CUL5: variants seen among roughly 807,000 people sequenced by gnomAD.
CUL5 encodes the protein cullin-5.
CUL5 carries 26 observed loss-of-function variants against 108.8 expected under a neutral mutation model. That is an observed-to-expected ratio of 0.24 (90% CI 0.18 to 0.33). The LOEUF (loss-of-function observed/expected upper bound fraction) is 0.33. CUL5 is among the 10% of genes least tolerant of loss of function. The pLI is 1.00. For missense variants in CUL5, 524 were observed against 909.2 expected (o/e 0.58, Z 5.45); for synonymous variants, 334 against 298.0 (o/e 1.12, Z -1.25).
chr11:108,048,170 A>G (rs1863112801), intron 3 of CUL5, among the ~76,000 whole-genome samples: 3 of 151,422 alleles, frequency 2.0e-5, no homozygotes, highest in African/African-American at 7.3e-5. Flanking sequence ...TCAGTTGAAC[A>G]TACCTTGTTA....
intron 10 of CUL5, among the ~76,000 whole-genome samples, chr11:108,077,922 C>T (rs1287555294): frequency 6.6e-6 from 1 of 152,094 alleles, no homozygotes; most frequent in Non-Finnish European, 1.5e-5. Context: ...GCACTCCAGC[C>T]TGGTCGACAG....
chr11:108,099,298 C>G (rs1466663153), intron 18 of CUL5, among the ~76,000 whole-genome samples: 1 of 152,058 alleles, frequency 6.6e-6, no homozygotes, highest in African/African-American at 2.4e-5. Flanking sequence ...AGCTACCATG[C>G]CCAGCCCAGT....
At position 108,073,505 on chromosome 11, in the gene CUL5, T is replaced by A; in HGVS notation, c.1113+8T>A. 7.9e-7 allele frequency: 1 copy of A among 1,266,970 alleles called. No individual in the cohort carries two copies. Among genetic ancestry groups the A allele is most frequent in the Non-Finnish European group, 1.1e-6 (1 of 905,252 alleles). The allele number at this position is 1,266,970 out of a possible 1,614,324, so 78.5% of individuals were successfully genotyped here. A position where few individuals can be genotyped will look rare whatever the true frequency, so the allele number is the denominator to read the frequency against. On this transcript the variant is annotated splice_region_variant and intron_variant, in intron 10 of 18. Transcript: ENST00000393094. ...CTTACTGCAAGAGATAAGGTATATA[T>A]TCCTATATATATAAAAAACACTTTT...
At chr11:108,059,428 G>T (rs927439870) in intron 7 of CUL5, among the ~76,000 whole-genome samples, 1 of 152,166 alleles carries the variant, frequency 6.6e-6, no homozygotes, top group African/African-American at 2.4e-5. Flanking sequence ...GATCACTTCA[G>T]AATGACCAGG....
chr11:108,040,517 C>T (rs1318480941), intron 2 of CUL5, among the ~76,000 whole-genome samples: 1 of 149,384 alleles, frequency 6.7e-6, no homozygotes, highest in African/African-American at 2.5e-5. Context: ...CCAGCTGAGG[C>T]ACGAGAATTG....
intron 1 of CUL5, among the ~76,000 whole-genome samples, chr11:108,017,351 C>G (rs1480602291): frequency 7.1e-6 from 1 of 140,302 alleles, no homozygotes; most frequent in Non-Finnish European, 1.5e-5. Context: ...GATCGCACCA[C>G]TGCACTCCAG....
At chr11:108,051,413 A>C (rs779104865) in intron 4 of CUL5, among the ~76,000 whole-genome samples, 1 of 152,204 alleles carries the variant, frequency 6.6e-6, no homozygotes, top group Non-Finnish European at 1.5e-5. Flanking sequence ...TAGCTTTGCT[A>C]TCTGTACCCC....
intron 11 of CUL5, among the ~76,000 whole-genome samples, chr11:108,082,410 A>G (rs1204316867): frequency 2.0e-5 from 3 of 151,628 alleles, no homozygotes; most frequent in Non-Finnish European, 4.4e-5. Flanking sequence ...CCACCTGAGT[A>G]GCTAGGACCA....
Position 108,089,626 on chromosome 11 carries a change from A to G in CUL5, c.1443+3A>G, listed in dbSNP as rs746634507. 1 of 1,491,658 alleles carries G rather than the reference A, an allele frequency of 6.7e-7. No homozygotes were observed. Among genetic ancestry groups the G allele is most frequent in the South Asian group, 1.4e-5 (1 of 72,332 alleles). 92.4% of individuals were successfully genotyped at this position (1,491,658 alleles called of 1,614,324 possible). ...AAAACATGGTAGAGTGGCTAAGAGT[A>G]AGTAAATTTTTTTAAATATTTGGTT... On this transcript the variant is annotated splice_donor_region_variant and intron_variant, in intron 13 of 18. Coordinates refer to ENST00000393094, the MANE Select transcript of CUL5 (RefSeq NM_003478.6).
chr11:108,058,165 C>T (rs1282399786), intron 7 of CUL5, among the ~76,000 whole-genome samples: 9 of 136,934 alleles, frequency 6.6e-5, no homozygotes, highest in East Asian at 4.7e-4. Flanking sequence ...GCCGAGATTG[C>T]GCCACCACAC....
intron 10 of CUL5, among the ~76,000 whole-genome samples, chr11:108,075,152 T>C (rs1863913328): frequency 2.0e-5 from 3 of 151,944 alleles, no homozygotes; most frequent in Admixed American, 1.3e-4. Flanking sequence ...TGGAGGCTTG[T>C]CCCAGAGTGA....
At chr11:108,020,710 T>C (rs1304002638) in intron 1 of CUL5, among the ~76,000 whole-genome samples, 1 of 152,158 alleles carries the variant, frequency 6.6e-6, no homozygotes, top group African/African-American at 2.4e-5. Context: ...ATAAGTGTTA[T>C]TTACAAAAAA....
At chr11:108,044,494 T>G (rs1178752747) in intron 2 of CUL5, among the ~76,000 whole-genome samples, 1 of 143,744 alleles carries the variant, frequency 7.0e-6, no homozygotes, top group Non-Finnish European at 1.5e-5. Flanking sequence ...GGCAACAGAG[T>G]GAGACAGTGT....
intron 2 of CUL5, among the ~76,000 whole-genome samples, chr11:108,040,439 C>G (rs186238274): frequency 1.3e-5 from 2 of 152,192 alleles, no homozygotes; most frequent in Admixed American, 1.3e-4. Context: ...TGGTAAAACC[C>G]TGTCTTTACT....
chr11:108,048,080 A>G (rs1263840979), intron 3 of CUL5, among the ~76,000 whole-genome samples: 2 of 152,154 alleles, frequency 1.3e-5, no homozygotes, highest in Non-Finnish European at 2.9e-5. Flanking sequence ...TGGGTCTTAA[A>G]AAGACCCATC....
intron 1 of CUL5, among the ~76,000 whole-genome samples, chr11:108,011,301 C>T (rs568357769): frequency 1.3e-5 from 2 of 152,144 alleles, no homozygotes; most frequent in Admixed American, 1.3e-4. Flanking sequence ...TATTTTGGTT[C>T]ATATTAGTTA....
chr11:108,054,545 T>C (rs1863324589), intron 5 of CUL5, 102 bp from the exon 6 acceptor site: 1 of 754,512 alleles, frequency 1.3e-6, no homozygotes, highest in African/African-American at 1.8e-5. Context: ...TTGAGCATTG[T>C]TACCTTGCAC....
chr11:108,096,279 G>A (rs1370636650), intron 16 of CUL5, among the ~76,000 whole-genome samples: 4 of 148,206 alleles, frequency 2.7e-5, no homozygotes, highest in Non-Finnish European at 5.9e-5. Context: ...AGGATTGCTT[G>A]AACTCAGGAG....
intron 14 of CUL5, 49 bp from the exon 15 acceptor site, chr11:108,094,763 T>C: frequency 7.2e-7 from 1 of 1,382,354 alleles, no homozygotes; most frequent in Non-Finnish European, 9.9e-7. Context: ...TTATTTTGAA[T>C]TTTATCCATT....
Sources: gnomAD v4.1 joint callset for allele counts (sites outside exome capture counted in the v4.1 genomes callset) on GRCh38, gnomAD v4.1.1 for gene constraint, MANE v1.5 for transcripts, NCBI Gene and HGNC (gene_info 2026-07-23, HGNC 2026-07-21) for gene names.